The following EFL1 variants were observed in gnomAD, a reference collection of about 807,000 sequenced individuals.
The protein encoded by EFL1 is elongation factor-like GTPase 1.
Under a neutral mutation model 126.7 loss-of-function variants are expected in EFL1, and 76 were observed. That is an observed-to-expected ratio of 0.60 (90% CI 0.50 to 0.73). The LOEUF is 0.73. EFL1 is among the 30% of genes least tolerant of loss of function. The pLI, the probability that EFL1 is intolerant of heterozygous loss-of-function variation, is 0.00. For missense variants in EFL1, 1,128 were observed against 1,343.2 expected (o/e 0.84, Z 2.50); for synonymous variants, 410 against 448.4 (o/e 0.91, Z 1.08).
intron 12 of EFL1, among the ~76,000 whole-genome samples, chr15:82,220,765 G>A (rs767308702): frequency 2.6e-5 from 4 of 151,952 alleles, no homozygotes; most frequent in Admixed American, 2.6e-4. Context: ...GGTTTTCCAT[G>A]GGGGTGAGAA....
intron 4 of EFL1, among the ~76,000 whole-genome samples, chr15:82,246,232 G>A (rs536425241): frequency 6.6e-5 from 10 of 152,056 alleles, no homozygotes; most frequent in East Asian, 3.8e-4. Flanking sequence ...GGCCTGCTGC[G>A]TAGATAGTAA....
At chr15:82,224,165 A>AC (rs2074739108) in intron 12 of EFL1, among the ~76,000 whole-genome samples, 1 of 152,228 alleles carries the variant, frequency 6.6e-6, no homozygotes, top group South Asian at 2.1e-4. Context: ...CAGAAATGCC[A>AC]CTAAGACAGG....
intron 4 of EFL1, 48 bp downstream of exon 4, chr15:82,252,643 A>G (rs2075032746): frequency 7.2e-7 from 1 of 1,387,186 alleles, no homozygotes; most frequent in Middle Eastern, 1.8e-4. Context: ...ACAGAAGAGG[A>G]CATGAAAGAT....
chr15:82,145,563 G>T (rs2073835856), intron 18 of EFL1, among the ~76,000 whole-genome samples: 1 of 151,928 alleles, frequency 6.6e-6, no homozygotes, highest in Admixed American at 6.6e-5. Context: ...TGGGCACGGT[G>T]GCTCATGCCT....
At chr15:82,138,253 G>T (rs1163002078) in intron 19 of EFL1, among the ~76,000 whole-genome samples, 1 of 151,896 alleles carries the variant, frequency 6.6e-6, no homozygotes, top group Non-Finnish European at 1.5e-5. Context: ...TCTAATTACT[G>T]GAGATATTTT....
At chr15:82,183,423 C>T (rs1463959174) in intron 15 of EFL1, among the ~76,000 whole-genome samples, 2 of 152,132 alleles carry the variant, frequency 1.3e-5, no homozygotes, top group Non-Finnish European at 2.9e-5. Flanking sequence ...GAAATCCTTG[C>T]CTCCTCCAGA....
intron 3 of EFL1, among the ~76,000 whole-genome samples, chr15:82,255,325 G>A (rs1177863789): frequency 6.6e-6 from 1 of 152,084 alleles, no homozygotes; most frequent in African/African-American, 2.4e-5. Flanking sequence ...CCTATACAAG[G>A]CTTTTGTCCA....
chr15:82,207,307 T>TATATATATATACAC (rs141904056), intron 15 of EFL1, among the ~76,000 whole-genome samples: 2 of 145,418 alleles, frequency 1.4e-5, no homozygotes, highest in African/African-American at 5.1e-5. Context: ...TATATATATA[T>TATATATATATACAC]ACACACACAC....
At chr15:82,260,088 T>C (rs2075100293) in intron 2 of EFL1, among the ~76,000 whole-genome samples, 1 of 152,198 alleles carries the variant, frequency 6.6e-6, no homozygotes, top group Non-Finnish European at 1.5e-5. Flanking sequence ...AGAACAACGC[T>C]TGTCATATAG....
chr15:82,234,951 A>T (rs1171661332), intron 7 of EFL1, among the ~76,000 whole-genome samples: 3 of 152,180 alleles, frequency 2.0e-5, no homozygotes, highest in Non-Finnish European at 2.9e-5. Flanking sequence ...GTTGCAGTTT[A>T]AAAAATGTGA....
rs1237574766 is a variant in EFL1, at chr15:82,138,832, A to G, written c.3000T>C (p.Tyr1000=). 3 of 1,613,292 alleles carry G rather than the reference A, an allele frequency of 1.9e-6. No individual in the cohort carries two copies. Among genetic ancestry groups the G allele is most frequent in the Non-Finnish European group, 2.5e-6 (3 of 1,179,620 alleles). ...MATGDVLGRV[Y]AVLSKREGRV... ...GACCTTCTCTCTTTGACAAGACAGC[A>G]TAGACTCGACCTGTAAAACCATAAA... Residue 1000 remains tyrosine, a synonymous_variant, in exon 19 of 20, where the codon TAT becomes TAC. Coordinates refer to ENST00000268206, the MANE Select transcript of EFL1 (RefSeq NM_024580.6).
chr15:82,193,538 C>CTTG (rs2074380157), intron 15 of EFL1, among the ~76,000 whole-genome samples: 1 of 152,290 alleles, frequency 6.6e-6, no homozygotes, highest in Non-Finnish European at 1.5e-5. Flanking sequence ...GAACAGTTAA[C>CTTG]TTGTCTTTAT....
chr15:82,194,639 C>G (rs903780509), intron 15 of EFL1, among the ~76,000 whole-genome samples: 1 of 152,124 alleles, frequency 6.6e-6, no homozygotes, highest in East Asian at 1.9e-4. Context: ...ACTTATCATC[C>G]GAGCTACGAT....
chr15:82,202,681 C>T (rs757189336), intron 15 of EFL1, among the ~76,000 whole-genome samples: 9 of 152,124 alleles, frequency 5.9e-5, no homozygotes, highest in Non-Finnish European at 1.2e-4. Flanking sequence ...TAAAAGTTAG[C>T]TGAACTAGAA....
chr15:82,253,732 A>G, intron 3 of EFL1, among the ~76,000 whole-genome samples: 1 of 152,302 alleles, frequency 6.6e-6, no homozygotes, highest in Non-Finnish European at 1.5e-5. Flanking sequence ...AAATATTTGT[A>G]ATATGACCAT....
chr15:82,202,018 T>C (rs560156123), intron 15 of EFL1, among the ~76,000 whole-genome samples: 78 of 152,008 alleles, frequency 5.1e-4, no homozygotes, highest in African/African-American at 1.8e-3. Flanking sequence ...TTCAGGAGTT[T>C]TAAGGATTCA....
At chr15:82,241,535 A>G (rs2074931391) in intron 4 of EFL1, 132 bp from the exon 5 acceptor site, 2 of 1,126,504 alleles carry the variant, frequency 1.8e-6, no homozygotes, top group Non-Finnish European at 2.4e-6. Context: ...TGAAAGCTCA[A>G]TCCAGAGCTA....
At chr15:82,259,996 T>C (rs1313050573) in intron 2 of EFL1, among the ~76,000 whole-genome samples, 1 of 152,208 alleles carries the variant, frequency 6.6e-6, no homozygotes, top group Non-Finnish European at 1.5e-5. Context: ...TTATTCTAAG[T>C]ACACCAAGTA....
chr15:82,169,542 T>C (rs1018841568), intron 15 of EFL1, among the ~76,000 whole-genome samples: 1 of 152,196 alleles, frequency 6.6e-6, no homozygotes, highest in East Asian at 1.9e-4. Flanking sequence ...AAGTTACTAG[T>C]TCAAAGCAGT....
Sources: allele counts gnomAD v4.1 joint callset (sites outside exome capture counted in the v4.1 genomes callset), GRCh38; gene constraint gnomAD v4.1.1; transcripts MANE v1.5; gene names NCBI Gene and HGNC (gene_info 2026-07-23, HGNC 2026-07-21).